Variants in ZDHHC2 observed in about 807,000 individuals in gnomAD.
ZDHHC2 encodes palmitoyltransferase ZDHHC2.
ZDHHC2 carries 51 observed loss-of-function variants against 55.6 expected under a neutral mutation model. The ratio of observed to expected loss-of-function variants is 0.92; its 90% CI spans 0.73 to 1.16. ZDHHC2 has a LOEUF of 1.16. Among genes scored for constraint, ZDHHC2 ranks in the 50% most tolerant of loss-of-function variants. The probability of loss-of-function intolerance (pLI) is 0.00; values close to 1 mark genes in which losing one functional copy is unlikely to be tolerated. For missense variants in ZDHHC2, 491 were observed against 442.4 expected (o/e 1.11, Z -0.99); for synonymous variants, 199 against 152.9 (o/e 1.30, Z -2.22).
intron 1 of ZDHHC2, among the ~76,000 whole-genome samples, chr8:17,159,422 C>G (rs1437526089): frequency 6.6e-6 from 1 of 152,188 alleles, no homozygotes; most frequent in Non-Finnish European, 1.5e-5. Flanking sequence ...GTCCTCCTTC[C>G]ACATCTGCTC....
intron 1 of ZDHHC2, among the ~76,000 whole-genome samples, chr8:17,172,540 G>A (rs961130437): frequency 8.5e-5 from 13 of 152,060 alleles, no homozygotes; most frequent in Admixed American, 3.3e-4. Flanking sequence ...TCAACCATAC[G>A]GTATTATGCA....
At chr8:17,176,962 C>T (rs1028059819) in intron 1 of ZDHHC2, among the ~76,000 whole-genome samples, 3 of 151,980 alleles carry the variant, frequency 2.0e-5, no homozygotes, top group Non-Finnish European at 4.4e-5. Context: ...AAAATGTTAA[C>T]GTGAATAACA....
At chr8:17,172,042 G>GGAA (rs1563142874) in intron 1 of ZDHHC2, among the ~76,000 whole-genome samples, 1 of 151,916 alleles carries the variant, frequency 6.6e-6, no homozygotes, top group Non-Finnish European at 1.5e-5. Flanking sequence ...TATATCCGCA[G>GGAA]TTCCCAGGAA....
chr8:17,204,607 A>G (rs1487171778), intron 6 of ZDHHC2, among the ~76,000 whole-genome samples: 1 of 152,174 alleles, frequency 6.6e-6, no homozygotes, highest in Non-Finnish European at 1.5e-5. Flanking sequence ...GAGCTAAATG[A>G]TGAGAACACA....
At chr8:17,189,278 T>C (rs1805899780) in intron 3 of ZDHHC2, among the ~76,000 whole-genome samples, 1 of 152,090 alleles carries the variant, frequency 6.6e-6, no homozygotes, top group Non-Finnish European at 1.5e-5. Flanking sequence ...TGACTCAACA[T>C]AGAATAGCAA....
intron 1 of ZDHHC2, 150 bp downstream of exon 1, chr8:17,157,003 A>T (rs186411283): frequency 1.4e-6 from 1 of 716,988 alleles, no homozygotes; most frequent in East Asian, 3.6e-5. Context: ...CGCTAAAAGC[A>T]GCCTCGGGGC....
intron 1 of ZDHHC2, among the ~76,000 whole-genome samples, chr8:17,166,183 C>T (rs1169784730): frequency 6.6e-6 from 1 of 152,152 alleles, no homozygotes; most frequent in Non-Finnish European, 1.5e-5. Flanking sequence ...TGGACCTAGG[C>T]TACTGCATCA....
chr8:17,186,482 A>G, intron 3 of ZDHHC2, 57 bp downstream of exon 3: 2 of 1,036,838 alleles, frequency 1.9e-6, no homozygotes, highest in Non-Finnish European at 2.7e-6. Flanking sequence ...ATACTGATGT[A>G]TTATTGAAGA....
chr8:17,172,966 TG>T (rs1804937677), intron 1 of ZDHHC2, among the ~76,000 whole-genome samples: 1 of 152,234 alleles, frequency 6.6e-6, no homozygotes, highest in Admixed American at 6.5e-5. Context: ...TTGAATTTTT[TG>T]TATCCAAAGT....
chr8:17,199,597 T>TCTTCTTC (rs1563161618), intron 6 of ZDHHC2, among the ~76,000 whole-genome samples: 4 of 51,030 alleles, frequency 7.8e-5, no homozygotes, highest in African/African-American at 1.6e-4. Context: ...TCTTTCTTCT[T>TCTTCTTC]CTTTATTCTT....
At chr8:17,211,022 T>A (rs1807359330) in intron 10 of ZDHHC2, among the ~76,000 whole-genome samples, 1 of 152,136 alleles carries the variant, frequency 6.6e-6, no homozygotes, top group Non-Finnish European at 1.5e-5. Flanking sequence ...TCTTAGAAAT[T>A]CATTGTCTGG....
chr8:17,199,546 T>TGTCTTCGTCTTCGTCTTCTTC (rs1806570039), intron 6 of ZDHHC2, among the ~76,000 whole-genome samples: 1 of 40,668 alleles, frequency 2.5e-5, no homozygotes, highest in African/African-American at 7.3e-5. Context: ...CTTCGTCTTC[T>TGTCTTCGTCTTCGTCTTCTTC]GTCTTCGTCT....
intron 1 of ZDHHC2, among the ~76,000 whole-genome samples, chr8:17,163,155 C>T (rs1420440916): frequency 1.3e-5 from 2 of 152,188 alleles, no homozygotes; most frequent in Non-Finnish European, 2.9e-5. Flanking sequence ...TGGACAGAAA[C>T]GAAGGGCAGG....
chr8:17,185,639 G>A (rs868604596), intron 2 of ZDHHC2, among the ~76,000 whole-genome samples: 73 of 152,198 alleles, frequency 4.8e-4, no homozygotes, highest in African/African-American at 1.6e-3. Context: ...CAGCCTGGGC[G>A]ACAGAGTGAG....
chr8:17,177,586 G>C (rs1563146357), intron 1 of ZDHHC2, among the ~76,000 whole-genome samples: 1 of 152,178 alleles, frequency 6.6e-6, no homozygotes, highest in Non-Finnish European at 1.5e-5. Context: ...CTTCAGCACA[G>C]AGGTAGAGTC....
intron 1 of ZDHHC2, among the ~76,000 whole-genome samples, chr8:17,159,056 A>T (rs1403566798): frequency 6.6e-6 from 1 of 152,252 alleles, no homozygotes; most frequent in Non-Finnish European, 1.5e-5. Flanking sequence ...GCAGTTTATG[A>T]GTGGCAAGCT....
chr8:17,184,672 G>A, intron 1 of ZDHHC2, 117 bp from the exon 2 acceptor site: 1 of 809,532 alleles, frequency 1.2e-6, no homozygotes, highest in South Asian at 1.9e-5. Context: ...TAAATATTTA[G>A]AGAATGTTGG....
At chr8:17,213,334 A>G (rs1207642967) in intron 10 of ZDHHC2, among the ~76,000 whole-genome samples, 1 of 151,742 alleles carries the variant, frequency 6.6e-6, no homozygotes, top group East Asian at 1.9e-4. Context: ...GCTCACTGCA[A>G]CCTCTGTCTC....
chr8:17,219,459 A>T (rs945566727), intron 12 of ZDHHC2, among the ~76,000 whole-genome samples: 4 of 151,762 alleles, frequency 2.6e-5, no homozygotes, highest in African/African-American at 9.7e-5. Context: ...ATCATATGGT[A>T]TAAATAAAAA....
Sources: allele counts gnomAD v4.1 joint callset (sites outside exome capture counted in the v4.1 genomes callset), GRCh38; gene constraint gnomAD v4.1.1; transcripts MANE v1.5; gene names NCBI Gene and HGNC (gene_info 2026-07-23, HGNC 2026-07-21).